The following ZNF521 variants were observed in gnomAD, a reference collection of about 807,000 sequenced individuals.
ZNF521 encodes LYST-interacting protein 3.
Under a neutral mutation model 105.5 loss-of-function variants are expected in ZNF521, and 14 were observed. The observed-to-expected ratio is 0.13, with a 90% confidence interval of 0.09 to 0.21. The LOEUF (loss-of-function observed/expected upper bound fraction) is 0.21. Ranked by LOEUF, ZNF521 falls within the 10% of genes least tolerant of loss-of-function variation. The pLI is 1.00. For missense variants in ZNF521, 1,233 were observed against 1,629.7 expected (o/e 0.76, Z 4.19); for synonymous variants, 635 against 606.0 (o/e 1.05, Z -0.70).
At chr18:25,092,531 A>G (rs1040855987) in intron 5 of ZNF521, among the ~76,000 whole-genome samples, 1 of 152,214 alleles carries the variant, frequency 6.6e-6, no homozygotes, top group Non-Finnish European at 1.5e-5. Context: ...CAGTTGATAC[A>G]GACTATCTTT....
intron 3 of ZNF521, among the ~76,000 whole-genome samples, chr18:25,244,749 C>T (rs1484814913): frequency 6.6e-6 from 1 of 152,190 alleles, no homozygotes; most frequent in Admixed American, 6.5e-5. Context: ...TCACAGATGA[C>T]TTTTTTAAGT....
chr18:25,239,005 G>C (rs1048437327), intron 3 of ZNF521, among the ~76,000 whole-genome samples: 2 of 152,122 alleles, frequency 1.3e-5, no homozygotes, highest in Non-Finnish European at 2.9e-5. Flanking sequence ...GCACTCAGCT[G>C]TGCCTTTCCC....
rs1384000621 is a variant in ZNF521 at position 25,121,269 on chromosome 18, CTT to C, written c.3659-29190_3659-29189del. Among the ~76,000 whole-genome samples, 54 of 130,630 alleles carry C rather than the reference CTT, an allele frequency of 4.1e-4. 1 individual carries two copies. The highest frequency in any genetic ancestry group is 3.6e-3 in the East Asian group (16 of 4,422). 85.7% of individuals were successfully genotyped at this position (130,630 alleles called of 152,430 possible). A position where few individuals can be genotyped will look rare whatever the true frequency, so the allele number is the denominator to read the frequency against. ...CACCGCGCCCAGCCTTCTTCTTCTTCTTCCTTTTTTTTTTTTTTTTTGAGACA... is the reference window on the plus strand; with the variant it reads ...CACCGCGCCCAGCCTTCTTCTTCTTCCCTTTTTTTTTTTTTTTTTGAGACA... On this transcript the variant is annotated intron_variant, in intron 5 of 7. Transcript: ENST00000361524.
At chr18:25,068,026 A>G (rs956571299) in intron 7 of ZNF521, among the ~76,000 whole-genome samples, 2 of 152,168 alleles carry the variant, frequency 1.3e-5, no homozygotes, top group African/African-American at 2.4e-5. Flanking sequence ...AAGAGCCAGC[A>G]CGCTATTTTA....
intron 5 of ZNF521, among the ~76,000 whole-genome samples, chr18:25,154,075 C>A (rs1382767383): frequency 6.6e-6 from 1 of 152,188 alleles, no homozygotes; most frequent in African/African-American, 2.4e-5. Context: ...TCTTCCAAAT[C>A]TGAACCTACT....
rs142319874 is a variant in ZNF521 at position 25,225,293 on chromosome 18, G to A, written c.2625C>T (p.Ser875=). 252 of 1,614,072 alleles carry A rather than the reference G, an allele frequency of 1.6e-4. No individual in the cohort carries two copies. The African/African-American group carries it at 1.6e-3, about 10-fold the overall frequency. ...SQESHNSHDG[S]EEDVDTSEPM... ...GCTCAGAGGTGTCAACGTCTTCTTC[G>A]CTCCCATCGTGACTGTTGTGGGACT... is the stretch of plus-strand genomic sequence containing the variant. Residue 875 remains serine (S), a synonymous_variant, in exon 4 of 8, where the codon AGC becomes AGT. Transcript: ENST00000361524. The surrounding 1 kb of genome is among the most constrained non-coding windows in gnomAD (Gnocchi z 5.6).
At chr18:25,199,364 G>T (rs903839423) in intron 4 of ZNF521, among the ~76,000 whole-genome samples, 1 of 151,646 alleles carries the variant, frequency 6.6e-6, no homozygotes. Flanking sequence ...ATCCTGATTT[G>T]GGGGGAGGGG....
intron 3 of ZNF521, among the ~76,000 whole-genome samples, chr18:25,233,473 C>T (rs533996194): frequency 6.6e-6 from 1 of 152,116 alleles, no homozygotes; most frequent in African/African-American, 2.4e-5. Context: ...TTATAATTCA[C>T]AGATGCTTTT....
intron 5 of ZNF521, among the ~76,000 whole-genome samples, chr18:25,154,575 G>T (rs2035108493): frequency 6.6e-6 from 1 of 152,026 alleles, no homozygotes; most frequent in Admixed American, 6.6e-5. Context: ...AAGTGCTTTG[G>T]GGGAAGAAAT....
At chr18:25,188,867 G>T (rs937477999) in intron 5 of ZNF521, among the ~76,000 whole-genome samples, 4 of 152,196 alleles carry the variant, frequency 2.6e-5, no homozygotes, top group African/African-American at 9.7e-5. Flanking sequence ...ATAAGACACT[G>T]AATCTTCGAT....
At chr18:25,233,365 C>T (rs1265732283) in intron 3 of ZNF521, among the ~76,000 whole-genome samples, 2 of 151,952 alleles carry the variant, frequency 1.3e-5, no homozygotes, top group African/African-American at 4.8e-5. Flanking sequence ...AACAGCTCCA[C>T]ATTAAATTCA....
At chr18:25,150,968 A>G (rs963913514) in intron 5 of ZNF521, among the ~76,000 whole-genome samples, 1 of 145,008 alleles carries the variant, frequency 6.9e-6, no homozygotes, top group African/African-American at 2.6e-5. Flanking sequence ...GGCTCACTGT[A>G]GCCTTGACCT....
chr18:25,296,429 C>G (rs1256053927), intron 3 of ZNF521, among the ~76,000 whole-genome samples: 1 of 152,128 alleles, frequency 6.6e-6, no homozygotes, highest in Admixed American at 6.5e-5. Flanking sequence ...CCTAGACTTG[C>G]TATGGATTTG....
chr18:25,297,377 A>T (rs996746459), intron 3 of ZNF521, among the ~76,000 whole-genome samples: 1 of 152,160 alleles, frequency 6.6e-6, no homozygotes, highest in African/African-American at 2.4e-5. Context: ...GCACAAAATC[A>T]ATTCACAATA....
chr18:25,223,655 G>A (rs762823819), intron 4 of ZNF521, among the ~76,000 whole-genome samples: 51 of 151,804 alleles, frequency 3.4e-4, no homozygotes, highest in Non-Finnish European at 5.9e-4. Flanking sequence ...TACTCGTCAC[G>A]GCAAAGAAAG....
intron 5 of ZNF521, among the ~76,000 whole-genome samples, chr18:25,127,140 T>TG (rs898217159): frequency 1.8e-4 from 27 of 151,938 alleles, no homozygotes; most frequent in African/African-American, 6.0e-4. Flanking sequence ...GGAAGCTGTT[T>TG]GGGGGAAGTG....
chr18:25,198,767 A>G (rs551208699), intron 4 of ZNF521, among the ~76,000 whole-genome samples: 7 of 152,062 alleles, frequency 4.6e-5, no homozygotes, highest in African/African-American at 1.7e-4. Flanking sequence ...TCTTTATAGA[A>G]GAATGACAGC....
rs1350904505 is a variant in ZNF521, at chr18:25,186,362, A to T, written c.3658+8798T>A. 4.6e-5 allele frequency among the ~76,000 whole-genome samples: 7 copies of T among 152,340 alleles called. No individual in the cohort carries two copies. In the East Asian group the frequency reaches 7.7e-4, roughly 17 times the overall value. On this transcript the variant is annotated intron_variant, in intron 5 of 7. Transcript: ENST00000361524. ...GAGCCCTGCTTAAACTAATCCTGAA[A>T]TATATTAATCACCAATTAATGAAAG...
chr18:25,296,504 C>G (rs12607714), intron 3 of ZNF521, among the ~76,000 whole-genome samples: 24 of 152,060 alleles, frequency 1.6e-4, no homozygotes, highest in Admixed American at 1.6e-3. Context: ...CCATCGCTGA[C>G]AGTCTTGAGA....
Sources: gnomAD v4.1 joint callset for allele counts (sites outside exome capture counted in the v4.1 genomes callset) on GRCh38, gnomAD v4.1.1 for gene constraint, Gnocchi (gnomAD v3.1) non-coding constraint, MANE v1.5 for transcripts, NCBI Gene and HGNC (gene_info 2026-07-23, HGNC 2026-07-21) for gene names.